CDK14: variants seen among roughly 807,000 people sequenced by gnomAD.
CDK14 encodes the protein cyclin-dependent kinase 14.
In CDK14, 34 loss-of-function variants were observed where a neutral mutation model predicts 60.7. The ratio of observed to expected loss-of-function variants is 0.56; its 90% CI spans 0.43 to 0.75. The LOEUF (loss-of-function observed/expected upper bound fraction) is 0.75. Among genes scored for constraint, CDK14 ranks in the 30% least tolerant of loss-of-function variants. The pLI is 0.00. For missense variants in CDK14, 482 were observed against 564.1 expected, an observed-to-expected ratio of 0.85 and a Z score of 1.47; for synonymous variants, 197 against 203.7, an observed-to-expected ratio of 0.97 and a Z score of 0.28.
chr7:90,811,499 C>G (rs535052353), intron 5 of CDK14, among the ~76,000 whole-genome samples: 1 of 152,030 alleles, frequency 6.6e-6, no homozygotes, highest in African/African-American at 2.4e-5. Context: ...CGTTAGACCT[C>G]AAACCATAAA....
At chr7:90,729,897 T>C (rs1802792204) in intron 3 of CDK14, among the ~76,000 whole-genome samples, 1 of 152,160 alleles carries the variant, frequency 6.6e-6, no homozygotes, top group East Asian at 1.9e-4. Context: ...AATTATACTT[T>C]AAGTTCTGGG....
At chr7:91,196,801 G>A (rs1758399619) in intron 14 of CDK14, among the ~76,000 whole-genome samples, 1 of 152,212 alleles carries the variant, frequency 6.6e-6, no homozygotes, top group Non-Finnish European at 1.5e-5. Flanking sequence ...GAAAAAAGTG[G>A]AAGATCCCTG....
chr7:91,071,189 C>G (rs886781676), intron 11 of CDK14, among the ~76,000 whole-genome samples: 1 of 152,250 alleles, frequency 6.6e-6, no homozygotes. Context: ...AGATCAGGGT[C>G]TTTTTCTTTA....
intron 14 of CDK14, among the ~76,000 whole-genome samples, chr7:91,206,177 A>T (rs150308139): frequency 3.3e-5 from 5 of 152,312 alleles, no homozygotes; most frequent in African/African-American, 1.2e-4. Flanking sequence ...TGCAGGGGTG[A>T]TGTCCTTGAT....
intron 9 of CDK14, among the ~76,000 whole-genome samples, chr7:90,956,157 C>G (rs1002710534): frequency 6.6e-6 from 1 of 152,050 alleles, no homozygotes; most frequent in Non-Finnish European, 1.5e-5. Flanking sequence ...ATTGGAGTAG[C>G]AGGGAGTATG....
intron 12 of CDK14, among the ~76,000 whole-genome samples, chr7:91,112,151 T>A (rs1388320159): frequency 1.7e-4 from 26 of 152,208 alleles, no homozygotes; most frequent in Non-Finnish European, 2.9e-5. Context: ...TTATTTTAAT[T>A]CTTTAGTATT....
intron 4 of CDK14, among the ~76,000 whole-genome samples, chr7:90,777,667 C>T (rs981750787): frequency 6.6e-6 from 1 of 152,296 alleles, no homozygotes; most frequent in Non-Finnish European, 1.5e-5. Context: ...CCATCCCTCT[C>T]CATGCTTTGC....
intron 6 of CDK14, among the ~76,000 whole-genome samples, chr7:90,880,479 C>T (rs542563989): frequency 3.9e-5 from 6 of 152,162 alleles, no homozygotes; most frequent in African/African-American, 9.7e-5. Flanking sequence ...GCAGTCTCTG[C>T]GGACCAGCAG....
At chr7:90,727,092 C>G (rs1194775483) in intron 3 of CDK14, among the ~76,000 whole-genome samples, 1 of 152,160 alleles carries the variant, frequency 6.6e-6, no homozygotes. Context: ...AATTAAAAGT[C>G]TTTTGTATTT....
chr7:91,030,273 T>G (rs768821295), intron 10 of CDK14, among the ~76,000 whole-genome samples: 9 of 152,240 alleles, frequency 5.9e-5, no homozygotes, highest in Admixed American at 4.6e-4. Context: ...AGAGGTTTAG[T>G]TGTAACTCAC....
chr7:91,146,032 T>C (rs1264276188), intron 14 of CDK14, among the ~76,000 whole-genome samples: 2 of 152,100 alleles, frequency 1.3e-5, no homozygotes, highest in African/African-American at 4.8e-5. Context: ...AAACACACAA[T>C]GGGAAGCTGT....
chr7:90,735,795 T>G (rs1803075289), intron 3 of CDK14, among the ~76,000 whole-genome samples: 1 of 152,244 alleles, frequency 6.6e-6, no homozygotes, highest in Admixed American at 6.5e-5. Flanking sequence ...CCAGACCACT[T>G]GGCTCCCTGG....
chr7:90,813,583 A>G (rs748803812), intron 5 of CDK14, among the ~76,000 whole-genome samples: 1 of 152,108 alleles, frequency 6.6e-6, no homozygotes, highest in Non-Finnish European at 1.5e-5. Flanking sequence ...CCCCGTCTCT[A>G]CTAAAAATAT....
intron 14 of CDK14, among the ~76,000 whole-genome samples, chr7:91,127,476 G>A (rs913857724): frequency 6.6e-6 from 1 of 152,136 alleles, no homozygotes; most frequent in African/African-American, 2.4e-5. Context: ...AATTATAACA[G>A]GGTTGGTGTT....
At chr7:91,083,815 G>A (rs1379388694) in intron 12 of CDK14, among the ~76,000 whole-genome samples, 1 of 152,186 alleles carries the variant, frequency 6.6e-6, no homozygotes, top group East Asian at 1.9e-4. Flanking sequence ...CAGGTTGCAA[G>A]CAGGTGCCAG....
chr7:90,763,999 T>C (rs559016477), intron 4 of CDK14, among the ~76,000 whole-genome samples: 2 of 152,270 alleles, frequency 1.3e-5, no homozygotes, highest in Admixed American at 1.3e-4. Flanking sequence ...ATTTTTATTT[T>C]TCTGGAACTT....
intron 11 of CDK14, among the ~76,000 whole-genome samples, chr7:91,049,850 G>C (rs969363032): frequency 6.6e-6 from 1 of 152,180 alleles, no homozygotes; most frequent in African/African-American, 2.4e-5. Context: ...GAGACATATA[G>C]TAAGTGAAAT....
chr7:91,053,806 C>T (rs1054443675), intron 11 of CDK14, among the ~76,000 whole-genome samples: 3 of 151,902 alleles, frequency 2.0e-5, no homozygotes, highest in South Asian at 2.1e-4. Context: ...AGGAAGACTG[C>T]GGGGGGGCTC....
Position 90,687,708 on chromosome 7 carries a change from C to G in CDK14, c.124-38859C>G, listed in dbSNP as rs140699901. On this transcript the variant is annotated intron_variant, in intron 2 of 14. Transcript: ENST00000380050. ...TGGGTAAGAGTCTCCTTCTCACCCC[C>G]CAAGAAGGATTTCAGTTATTTAAAA... 2.7e-3 allele frequency among the ~76,000 whole-genome samples: 405 copies of G among 152,004 alleles called. 2 individuals are homozygous for G. Among genetic ancestry groups the G allele is most frequent in the African/African-American group, 9.3e-3 (385 of 41,478 alleles).
Sources: gnomAD v4.1 joint callset for allele counts (sites outside exome capture counted in the v4.1 genomes callset) on GRCh38, gnomAD v4.1.1 for gene constraint, MANE v1.5 for transcripts, NCBI Gene and HGNC (gene_info 2026-07-23, HGNC 2026-07-21) for gene names.